The following ARFGAP1 variants were observed in gnomAD, a reference collection of about 807,000 sequenced individuals.
ARFGAP1 encodes ADP-ribosylation factor GTPase-activating protein 1.
A neutral mutation model predicts 54.0 loss-of-function variants in ARFGAP1; 26 were observed. The ratio of observed to expected loss-of-function variants is 0.48; its 90% CI spans 0.35 to 0.67. ARFGAP1 has a LOEUF of 0.67. Ranked by LOEUF, ARFGAP1 falls within the 30% of genes least tolerant of loss-of-function variation. ARFGAP1 has a pLI of 0.00. For missense variants in ARFGAP1, 525 were observed against 535.8 expected (o/e 0.98, Z 0.20); for synonymous variants, 248 against 211.9 (o/e 1.17, Z -1.48).
rs565925095 is a variant in ARFGAP1 at position 63,288,702 on chromosome 20, G to A, written c.*829G>A. ...GGAGCTGAGCAGGGGATGCCTGTGC[G>A]TGGTGCCTGGGTCTAGGGAAGCTCC... On this transcript the variant is annotated 3_prime_UTR_variant, in exon 13 of 13. Transcript: ENST00000370283. 2.4e-4 allele frequency: 87 copies of A among 359,060 alleles called. No homozygotes were observed. The highest frequency in any genetic ancestry group is 2.1e-3 in the Middle Eastern group (2 of 974). 22.2% of individuals were successfully genotyped at this position (359,060 alleles called of 1,614,324 possible).
chr20:63,288,256 A>G lies in ARFGAP1; in HGVS notation c.*383A>G. The G allele has an allele frequency of 1.9e-6, 1 of 527,602 alleles. No individual in the cohort carries two copies. The highest frequency in any genetic ancestry group is 2.2e-5 in the Admixed American group (1 of 44,540). The allele number at this position is 527,602 out of a possible 1,614,324, so 32.7% of individuals were successfully genotyped here. ...GGGACCAGCCACGTGCCGAGCTGTC[A>G]GCGACGTGAGGTGTCCCTTCTCGTT... On this transcript the variant is annotated 3_prime_UTR_variant, in exon 13 of 13. Transcript: ENST00000370283.
In ARFGAP1 at chr20:63,278,977, C is replaced by T; in HGVS notation, c.609C>T (p.Ala203=). ...AAGAAGATGACTTCCTCAACAACGC[C>T]ATGTCCTCCCTGTACTCGGTGAGGA... ...QKKEDDFLNN[A]MSSLYSGWSS... Residue 203 remains alanine (A), a synonymous_variant, in exon 7 of 13, where the codon GCC becomes GCT. Coordinates refer to ENST00000370283, the MANE Select transcript of ARFGAP1 (RefSeq NM_018209.4). 6.2e-7 allele frequency: 1 copy of T among 1,614,038 alleles called. No individual in the cohort carries two copies. Among genetic ancestry groups the T allele is most frequent in the Non-Finnish European group, 8.5e-7 (1 of 1,180,020 alleles).
In ARFGAP1 at chr20:63,289,011, C is replaced by T. The variant is rs1021297341; in HGVS notation, c.*1138C>T. On this transcript the variant is annotated 3_prime_UTR_variant, in exon 13 of 13. Coordinates refer to ENST00000370283, the MANE Select transcript of ARFGAP1 (RefSeq NM_018209.4). ...CACTCCTGGAGCAGCCTGGGCCCTT[C>T]AGCCCCTGTGCTCGTCCCACCCTAG... 5.4e-6 allele frequency: 1 copy of T among 185,682 alleles called. No homozygotes were observed. Among genetic ancestry groups the T allele is most frequent in the Admixed American group, 5.3e-5 (1 of 18,746 alleles). The allele number at this position is 185,682 out of a possible 1,614,324, so 11.5% of individuals were successfully genotyped here. A position where few individuals can be genotyped will look rare whatever the true frequency, so the allele number is the denominator to read the frequency against.
At chr20:63,279,384 T>G (rs1030426550) in intron 7 of ARFGAP1, 1 of 355,580 alleles carries the variant, frequency 2.8e-6, no homozygotes, top group East Asian at 7.6e-5. Flanking sequence ...TTTTGTATTT[T>G]TAGTAGAGAT....
At chr20:63,278,474 G>T in intron 6 of ARFGAP1, 1 of 491,482 alleles carries the variant, frequency 2.0e-6, no homozygotes, top group Non-Finnish European at 3.7e-6. Context: ...TGTGAATTGG[G>T]GGTCTTGGGT....
rs751465768 is a variant in ARFGAP1 at position 63,276,488 on chromosome 20, G to A, written c.179G>A (p.Arg60His). The change falls in exon 4 of 13, where the codon CGC becomes CAC. Residue 60 changes from arginine to histidine, a missense_variant. This residue lies in a region of ARFGAP1 where 20 missense variants were observed against 41.8 expected (regional missense o/e 0.48). Coordinates refer to ENST00000370283, the MANE Select transcript of ARFGAP1 (RefSeq NM_018209.4). The surrounding 1 kb of genome is among the most constrained non-coding windows in gnomAD (Gnocchi z 5.2). ...RGLGVHLSFV[R>H]SVTMDKWKDI... ...GATCCTCTGCTTTCCAGCTTTGTGC[G>A]CTCTGTTACTATGGACAAGTGGAAG... 1.2e-6 allele frequency: 2 copies of A among 1,611,484 alleles called. No individual in the cohort carries two copies. Among genetic ancestry groups the A allele is most frequent in the Non-Finnish European group, 8.5e-7 (1 of 1,178,502 alleles).
chr20:63,280,301 C>G (rs549018489), intron 7 of ARFGAP1, among the ~76,000 whole-genome samples: 1 of 152,026 alleles, frequency 6.6e-6, no homozygotes, highest in Non-Finnish European at 1.5e-5. Flanking sequence ...CTTTTGGAGA[C>G]GGGTCTTGCT....
intron 9 of ARFGAP1, chr20:63,284,466 CA>C (rs2067470485): frequency 9.0e-7 from 1 of 1,111,426 alleles, no homozygotes; most frequent in Non-Finnish European, 1.1e-6. Context: ...CTCTTCCCTC[CA>C]GGGGGGACTC....
rs368705226 is a variant in ARFGAP1, at chr20:63,287,895, C to T, written c.*22C>T. On this transcript the variant is annotated 3_prime_UTR_variant, in exon 13 of 13. Transcript: ENST00000370283. ...GTAGGGCCCACTGCGCCCCCGTCCC[C>T]AGCGCCCCCGGGCGACTTCGTGTTT... The T allele has an allele frequency of 1.4e-4, 209 of 1,488,912 alleles. 1 individual carries two copies. In the African/African-American group the frequency reaches 2.0e-3, roughly 14 times the overall value. The allele number at this position is 1,488,912 out of a possible 1,614,324, so 92.2% of individuals were successfully genotyped here.
intron 7 of ARFGAP1, among the ~76,000 whole-genome samples, chr20:63,280,690 GC>G (rs2067357669): frequency 6.6e-6 from 1 of 152,192 alleles, no homozygotes; most frequent in Non-Finnish European, 1.5e-5. Flanking sequence ...CTGTGTGTGG[GC>G]TTCATTTTTG....
At position 63,287,878 on chromosome 20, in the gene ARFGAP1, C is replaced by A. The variant is rs1314832442; in HGVS notation, c.*5C>A. 1.3e-6 allele frequency: 2 copies of A among 1,517,072 alleles called. No individual in the cohort carries two copies. 94.0% of individuals were successfully genotyped at this position (1,517,072 alleles called of 1,614,324 possible). ...TGGGACAACCAGAACTGGTAGGGCCCACTGCGCCCCCGTCCCCAGCGCCCC... is the reference window on the plus strand; with the variant it reads ...TGGGACAACCAGAACTGGTAGGGCCAACTGCGCCCCCGTCCCCAGCGCCCC... On this transcript the variant is annotated 3_prime_UTR_variant, in exon 13 of 13. Transcript: ENST00000370283.
At chr20:63,274,326 C>A (rs905671418) in intron 1 of ARFGAP1, 2 of 60,620 alleles carry the variant, frequency 3.3e-5, no homozygotes, top group African/African-American at 8.3e-5. Flanking sequence ...CCCCCCCCCC[C>A]CCGCCCAGTG....
At chr20:63,282,983 G>T in intron 9 of ARFGAP1, 132 bp downstream of exon 9, 2 of 992,722 alleles carry the variant, frequency 2.0e-6, no homozygotes. Flanking sequence ...TCCCAGCGTA[G>T]AAGGGGGTGT....
rs1440538728 is a variant in ARFGAP1 at position 63,288,461 on chromosome 20, G to T, written c.*588G>T. 17 of 455,934 alleles carry T rather than the reference G, an allele frequency of 3.7e-5. No homozygotes were observed. The highest frequency in any genetic ancestry group is 1.2e-4 in the Admixed American group (5 of 42,554). The allele number at this position is 455,934 out of a possible 1,614,324, so 28.2% of individuals were successfully genotyped here. On this transcript the variant is annotated 3_prime_UTR_variant, in exon 13 of 13. Coordinates refer to ENST00000370283, the MANE Select transcript of ARFGAP1 (RefSeq NM_018209.4). ...AGACCCGCGTCGGTCGTAACCCTCT[G>T]TGGCTCCCCTGCATCAGCACCGTCC...
Position 63,289,707 on chromosome 20 carries a change from T to C in ARFGAP1, c.*1834T>C, listed in dbSNP as rs2067661625. On this transcript the variant is annotated 3_prime_UTR_variant, in exon 13 of 13. Transcript: ENST00000370283. The stretch of plus-strand genomic sequence containing the variant: ...GGGCAGGTGGGCCTGGGACCGGTGC[T>C]GGGGCCTCTCCTTGCTGTGTGTGAG... 2 of 152,306 alleles carry C rather than the reference T, an allele frequency of 1.3e-5. No homozygotes were observed. Among genetic ancestry groups the C allele is most frequent in the South Asian group, 4.1e-4 (2 of 4,840 alleles). The allele number at this position is 152,306 out of a possible 1,614,324, so 9.4% of individuals were successfully genotyped here. A position where few individuals can be genotyped will look rare whatever the true frequency, so the allele number is the denominator to read the frequency against.
rs1156927950 is a variant in ARFGAP1, at chr20:63,288,694, G to A, written c.*821G>A. On this transcript the variant is annotated 3_prime_UTR_variant, in exon 13 of 13. Transcript: ENST00000370283. The stretch of plus-strand genomic sequence containing the variant: ...CGGGTTCAGGAGCTGAGCAGGGGAT[G>A]CCTGTGCGTGGTGCCTGGGTCTAGG... 1.4e-5 allele frequency: 5 copies of A among 361,454 alleles called. No individual in the cohort carries two copies. Among genetic ancestry groups the A allele is most frequent in the East Asian group, 1.5e-4 (2 of 13,548 alleles). The allele number at this position is 361,454 out of a possible 1,614,324, so 22.4% of individuals were successfully genotyped here.
Position 63,287,850 on chromosome 20 carries a change from G to C in ARFGAP1, c.1198G>C (p.Gly400Arg). ...AVPPAVPTDD[G>R]WDNQNW ...GCCGCCGGCCGTGCCCACTGATGAT[G>C]GCTGGGACAACCAGAACTGGTAGGG... The change falls in exon 13 of 13, where the codon GGC (glycine) becomes CGC (arginine). Residue 400 changes from glycine (G) to arginine (R), a missense_variant. By Grantham distance (125) the Gly-to-Arg change is moderately radical (BLOSUM62 -2). Coordinates refer to ENST00000370283, the MANE Select transcript of ARFGAP1 (RefSeq NM_018209.4). 6.4e-7 allele frequency: 1 copy of C among 1,558,322 alleles called. No homozygotes were observed. Among genetic ancestry groups the C allele is most frequent in the East Asian group, 2.3e-5 (1 of 42,662 alleles).
rs553498452 is a variant in ARFGAP1, at chr20:63,286,057, G to T, written c.835-309G>T. The T allele has an allele frequency of 9.0e-6, 14 of 1,549,532 alleles. No individual in the cohort carries two copies. The East Asian group carries it at 2.4e-4, about 27-fold the overall frequency. ...GGCGTGCATTTTGTCCTGTTTCCTGGCATGAGGCGCTCTGCGGACAGACGG... is the reference window on the plus strand; with the variant it reads ...GGCGTGCATTTTGTCCTGTTTCCTGTCATGAGGCGCTCTGCGGACAGACGG... On this transcript the variant is annotated intron_variant, in intron 11 of 12. Transcript: ENST00000370283.
chr20:63,285,782 G>C, intron 11 of ARFGAP1, 69 bp downstream of exon 11: 1 of 1,582,000 alleles, frequency 6.3e-7, no homozygotes, highest in Non-Finnish European at 8.7e-7. Flanking sequence ...CTGGGCGTGA[G>C]AGCAGGGTGT....
Sources: gnomAD v4.1 joint callset for allele counts (sites outside exome capture counted in the v4.1 genomes callset) on GRCh38, gnomAD v4.1.1 for gene constraint, gnomAD v4.1.1 regional missense constraint, Gnocchi (gnomAD v3.1) non-coding constraint, MANE v1.5 for transcripts, NCBI Gene and HGNC (gene_info 2026-07-23, HGNC 2026-07-21) for gene names.